CSMD1: variants seen among roughly 807,000 people sequenced by gnomAD.
The protein encoded by CSMD1 is CUB and Sushi multiple domains 1.
Under a neutral mutation model 417.5 loss-of-function variants are expected in CSMD1, and 213 were observed. The ratio of observed to expected loss-of-function variants is 0.51; its 90% CI spans 0.46 to 0.57. CSMD1 has a LOEUF of 0.57. CSMD1 is among the 20% of genes least tolerant of loss of function. CSMD1 has a pLI of 0.00. For missense variants in CSMD1, 6,923 were observed against 4,529.7 expected, an observed-to-expected ratio of 1.53 and a Z score of -15.17; for synonymous variants, 2,862 against 1,736.8, an observed-to-expected ratio of 1.65 and a Z score of -16.11.
intron 11 of CSMD1, among the ~76,000 whole-genome samples, chr8:3,469,501 C>G (rs1289747914): frequency 6.6e-6 from 1 of 152,114 alleles, no homozygotes; most frequent in Non-Finnish European, 1.5e-5. Flanking sequence ...ATTAACAAAA[C>G]AGTCACATAG....
At chr8:3,967,213 T>C (rs2627471) in intron 5 of CSMD1, among the ~76,000 whole-genome samples, 83,082 of 151,834 alleles carry the variant, frequency 0.55, 23,064 homozygotes, top group East Asian at 0.79. Context: ...GCTTTGCTCT[T>C]CCCCACTTCA....
Position 3,713,494 on chromosome 8 carries a change from C to G in CSMD1, c.932-5003G>C, listed in dbSNP as rs545495023. 6.6e-5 allele frequency among the ~76,000 whole-genome samples: 10 copies of G among 152,294 alleles called. No individual in the cohort carries two copies. In the East Asian group the frequency reaches 1.5e-3, roughly 24 times the overall value. On this transcript the variant is annotated intron_variant, in intron 6 of 69. Transcript: ENST00000635120. Reference sequence around the variant, plus strand: ...GCTCAGCCTGCTCCCCTGTCCCTCCCTGTAATCCCTCTGCCCCAGCCCCCA... The same window carrying G: ...GCTCAGCCTGCTCCCCTGTCCCTCCGTGTAATCCCTCTGCCCCAGCCCCCA...
intron 5 of CSMD1, among the ~76,000 whole-genome samples, chr8:3,979,588 G>A (rs1217716291): frequency 1.3e-5 from 2 of 152,170 alleles, no homozygotes; most frequent in African/African-American, 2.4e-5. Flanking sequence ...GGGATCATGA[G>A]GATGCGGCCA....
intron 51 of CSMD1, among the ~76,000 whole-genome samples, chr8:3,019,275 A>C (rs1212441594): frequency 6.6e-6 from 1 of 152,200 alleles, no homozygotes; most frequent in Non-Finnish European, 1.5e-5. Context: ...TTCTTGAAAA[A>C]ATACACAGTA....
chr8:3,440,913 C>T (rs997453457), intron 12 of CSMD1, among the ~76,000 whole-genome samples: 2 of 152,198 alleles, frequency 1.3e-5, no homozygotes, highest in African/African-American at 4.8e-5. Context: ...GACATGTCCA[C>T]TCCCTTGTCC....
At chr8:4,760,939 T>C (rs561228906) in intron 1 of CSMD1, among the ~76,000 whole-genome samples, 1 of 152,294 alleles carries the variant, frequency 6.6e-6, no homozygotes, top group South Asian at 2.1e-4. Context: ...TTATTTATAA[T>C]TTATTGACTT....
At chr8:4,302,839 T>G (rs1158768056) in intron 3 of CSMD1, among the ~76,000 whole-genome samples, 2 of 152,170 alleles carry the variant, frequency 1.3e-5, no homozygotes, top group South Asian at 2.1e-4. Flanking sequence ...TGACCCTGTG[T>G]TTTCCAGGAC....
chr8:3,897,480 A>G (rs767639627), intron 5 of CSMD1, among the ~76,000 whole-genome samples: 3 of 152,176 alleles, frequency 2.0e-5, no homozygotes, highest in Non-Finnish European at 4.4e-5. Flanking sequence ...CTAAATTTTT[A>G]TTTATGATCT....
intron 18 of CSMD1, chr8:3,373,453 A>G (rs1480718567): frequency 6.6e-6 from 1 of 152,244 alleles, no homozygotes; most frequent in African/African-American, 2.4e-5. Context: ...AAGACTTTAC[A>G]TAAAAGTAAT....
chr8:4,353,681 A>G (rs1269188373), intron 3 of CSMD1, among the ~76,000 whole-genome samples: 1 of 152,110 alleles, frequency 6.6e-6, no homozygotes, highest in Admixed American at 6.6e-5. Context: ...TTCTCTCAGA[A>G]TTCACAATCA....
At chr8:3,554,940 CA>C (rs1025001918) in intron 10 of CSMD1, among the ~76,000 whole-genome samples, 18 of 152,050 alleles carry the variant, frequency 1.2e-4, no homozygotes, top group African/African-American at 4.3e-4. Flanking sequence ...GCAAGTGGGT[CA>C]GGGGTGTTAA....
chr8:4,065,362 A>G (rs2130756406), intron 3 of CSMD1, among the ~76,000 whole-genome samples: 1 of 152,370 alleles, frequency 6.6e-6, no homozygotes, highest in African/African-American at 2.4e-5. Flanking sequence ...AGTCATGGAT[A>G]GTTAGTAAAA....
intron 3 of CSMD1, among the ~76,000 whole-genome samples, chr8:4,296,955 A>G (rs1797720296): frequency 1.3e-5 from 2 of 152,112 alleles, no homozygotes; most frequent in African/African-American, 4.8e-5. Context: ...GTGAAAATAT[A>G]AAAACCTGTA....
intron 26 of CSMD1, among the ~76,000 whole-genome samples, chr8:3,261,431 G>A (rs1455973521): frequency 1.3e-5 from 2 of 152,046 alleles, no homozygotes; most frequent in Non-Finnish European, 2.9e-5. Flanking sequence ...TTGGGTGATG[G>A]GTGCGCCAAA....
chr8:3,867,050 A>G (rs4379475), intron 5 of CSMD1, among the ~76,000 whole-genome samples: 75,537 of 152,056 alleles, frequency 0.5, 21,972 homozygotes, highest in African/African-American at 0.82. Flanking sequence ...TAGAATTGCT[A>G]TTTAGTTTTT....
chr8:4,204,218 C>T (rs760885598), intron 3 of CSMD1, among the ~76,000 whole-genome samples: 15 of 151,900 alleles, frequency 9.9e-5, no homozygotes, highest in Non-Finnish European at 2.1e-4. Flanking sequence ...TGGTTTTTCA[C>T]ACCAGAACAT....
At chr8:3,223,902 G>A (rs369931081) in intron 27 of CSMD1, 35 bp from the exon 28 acceptor site, 20 of 1,608,626 alleles carry the variant, frequency 1.2e-5, no homozygotes, top group East Asian at 4.5e-5. Flanking sequence ...GAAAAAGTAA[G>A]GACAGCGAAG....
intron 5 of CSMD1, among the ~76,000 whole-genome samples, chr8:3,918,494 C>T (rs955057676): frequency 2.0e-5 from 3 of 152,058 alleles, no homozygotes; most frequent in African/African-American, 4.8e-5. Context: ...TATGTCTTTG[C>T]AGATATATCT....
At chr8:4,922,754 G>A (rs1045147514) in intron 1 of CSMD1, among the ~76,000 whole-genome samples, 1 of 152,078 alleles carries the variant, frequency 6.6e-6, no homozygotes, top group African/African-American at 2.4e-5. Flanking sequence ...ATTGCCAGAG[G>A]TGTAAAGAAG....
Sources: gnomAD v4.1 joint callset for allele counts (sites outside exome capture counted in the v4.1 genomes callset) on GRCh38, gnomAD v4.1.1 for gene constraint, MANE v1.5 for transcripts, NCBI Gene and HGNC (gene_info 2026-07-23, HGNC 2026-07-21) for gene names.